Variants in LRCH2 observed in about 807,000 individuals in gnomAD.
The protein encoded by LRCH2 is leucine-rich repeat and calponin homology domain-containing protein 2.
A neutral mutation model predicts 68.9 loss-of-function variants in LRCH2; 38 were observed. That is an observed-to-expected ratio of 0.55 (90% confidence interval 0.43 to 0.72). LRCH2 has a LOEUF of 0.72. Among genes scored for constraint, LRCH2 ranks in the 30% least tolerant of loss-of-function variants. The probability of loss-of-function intolerance (pLI) is 0.00; values close to 1 mark genes in which losing one functional copy is unlikely to be tolerated. For synonymous variants in LRCH2, 191 were observed against 208.1 expected, an observed-to-expected ratio of 0.92 and a Z score of 0.71; for missense variants, 528 against 572.9, an observed-to-expected ratio of 0.92 and a Z score of 0.80.
At chrX:115,197,374 A>G (rs935671049) in intron 1 of LRCH2, among the ~76,000 whole-genome samples, 1 of 112,303 alleles carries the variant, frequency 8.9e-6, no homozygotes, top group Middle Eastern at 4.6e-3. Flanking sequence ...GAGATGCCAG[A>G]GAAATCTAAA....
intron 1 of LRCH2, among the ~76,000 whole-genome samples, chrX:115,211,763 C>A (rs1466350049): frequency 5.4e-5 from 6 of 110,973 alleles, no homozygotes; most frequent in African/African-American, 9.8e-5. Flanking sequence ...ATCCACACAC[C>A]CCCCCAAGAT....
At chrX:115,174,726 A>C (rs1351062222) in intron 5 of LRCH2, among the ~76,000 whole-genome samples, 1 of 110,620 alleles carries the variant, frequency 9.0e-6, no homozygotes, top group East Asian at 2.8e-4. Flanking sequence ...TTATTTCTTT[A>C]AGATGGTGAT....
intron 1 of LRCH2, among the ~76,000 whole-genome samples, chrX:115,196,863 T>G (rs1195204659): frequency 9.0e-6 from 1 of 110,857 alleles, no homozygotes; most frequent in Non-Finnish European, 1.9e-5. Context: ...AACATGAGCC[T>G]GCCTGGAAAC....
chrX:115,233,187 G>C (rs946103039), intron 1 of LRCH2, among the ~76,000 whole-genome samples: 2 of 112,110 alleles, frequency 1.8e-5, no homozygotes, highest in African/African-American at 6.5e-5. Context: ...TGACAAGAAA[G>C]AAGCCAAGAA....
intron 8 of LRCH2, 91 bp from the exon 9 acceptor site, chrX:115,165,746 G>A (rs1271909636): frequency 1.8e-5 from 17 of 925,187 alleles, no homozygotes; most frequent in African/African-American, 4.0e-5. Context: ...TTTTCTCAAT[G>A]TAAGAGTTTG....
chrX:115,114,772 A>T (rs5988222), intron 20 of LRCH2, among the ~76,000 whole-genome samples: 11,461 of 110,299 alleles, frequency 0.1, 456 homozygotes, highest in African/African-American at 0.12. Flanking sequence ...TTGAAAGAAT[A>T]ATTAAATGAT....
chrX:115,187,488 A>G (rs2072741928), intron 2 of LRCH2, among the ~76,000 whole-genome samples: 1 of 112,357 alleles, frequency 8.9e-6, no homozygotes, highest in African/African-American at 3.2e-5. Flanking sequence ...TGAGAGCTCT[A>G]TAGCCAGACT....
In LRCH2 at chrX:115,156,614, T is replaced by G; in HGVS notation, c.1517A>C (p.Glu506Ala). 1 of 1,139,479 alleles carries G rather than the reference T, an allele frequency of 8.8e-7. No individual in the cohort carries two copies. The highest frequency in any genetic ancestry group is 3.3e-5 in the East Asian group (1 of 29,895). The allele number at this position is 1,139,479 out of a possible 1,213,427, so 93.9% of individuals were successfully genotyped here. ...GATATTTTTATACCTCTTTTCACAT[T>G]CCACAGTTTGTTTTGGCTTGTTTCT... Reference protein sequence around the residue: ...VMRNKPKQTVECEKSVSADEV... With the variant: ...VMRNKPKQTVACEKSVSADEV... Residue 506 changes from glutamate to alanine, a missense_variant, in exon 12 of 21, where the codon GAA becomes GCA. By Grantham distance (107) the Glu-to-Ala change is moderately radical (BLOSUM62 -1). Coordinates refer to ENST00000317135, the MANE Select transcript of LRCH2 (RefSeq NM_020871.4).
intron 1 of LRCH2, among the ~76,000 whole-genome samples, chrX:115,204,159 C>T (rs1327011707): frequency 6.2e-5 from 7 of 113,024 alleles, no homozygotes; most frequent in East Asian, 2.8e-4. Context: ...TGCCTTGGCC[C>T]CTTTTAGCCA....
chrX:115,123,029 C>G, intron 18 of LRCH2, 51 bp downstream of exon 18: 1 of 1,138,504 alleles, frequency 8.8e-7, no homozygotes, highest in Non-Finnish European at 1.2e-6. Flanking sequence ...ATTAATTTTC[C>G]AAGTTAAACC....
chrX:115,160,121 G>T (rs2147382661), intron 11 of LRCH2, among the ~76,000 whole-genome samples: 1 of 110,246 alleles, frequency 9.1e-6, no homozygotes, highest in South Asian at 3.9e-4. Flanking sequence ...TTCAAGACCA[G>T]CCTGGCCAAC....
At chrX:115,218,172 C>T (rs145166866) in intron 1 of LRCH2, among the ~76,000 whole-genome samples, 748 of 111,597 alleles carry the variant, frequency 6.7e-3, no homozygotes, top group South Asian at 0.022. Flanking sequence ...ATTAATTCAA[C>T]AAAATCATGC....
intron 1 of LRCH2, among the ~76,000 whole-genome samples, chrX:115,232,983 C>T (rs2073162629): frequency 9.0e-6 from 1 of 111,641 alleles, no homozygotes; most frequent in Non-Finnish European, 1.9e-5. Flanking sequence ...CTCAAAAATA[C>T]CCTTAAAATT....
chrX:115,118,017 T>C (rs1350820471), intron 20 of LRCH2, among the ~76,000 whole-genome samples: 1 of 110,302 alleles, frequency 9.1e-6, no homozygotes, highest in Non-Finnish European at 1.9e-5. Context: ...TTACCAATTC[T>C]GAGTTCAGAG....
chrX:115,147,230 C>T (rs1302998629), intron 14 of LRCH2, among the ~76,000 whole-genome samples: 1 of 111,344 alleles, frequency 9.0e-6, no homozygotes, highest in Non-Finnish European at 1.9e-5. Context: ...TTTCAATTAT[C>T]GGGAGATAGG....
chrX:115,126,939 A>T (rs2072205464), intron 15 of LRCH2, 46 bp from the exon 16 acceptor site: 2 of 819,330 alleles, frequency 2.4e-6, no homozygotes, highest in Non-Finnish European at 3.4e-6. Flanking sequence ...TACAATACAA[A>T]TGATGATTTA....
At chrX:115,113,376 A>T in intron 20 of LRCH2, 41 bp from the exon 21 acceptor site, 3 of 1,056,127 alleles carry the variant, frequency 2.8e-6, no homozygotes, top group Non-Finnish European at 3.8e-6. Flanking sequence ...CATTTTTTAG[A>T]AGTGTAATAA....
chrX:115,113,037 C>T lies in LRCH2; in HGVS notation c.*179G>A. ...CTTATTAAGTTAATCCAGTTTTCCC[C>T]CAAAGAAGTTCGGGCAATTCAATGT... On this transcript the variant is annotated 3_prime_UTR_variant, in exon 21 of 21. Coordinates refer to ENST00000317135, the MANE Select transcript of LRCH2 (RefSeq NM_020871.4). 1 of 325,978 alleles carries T rather than the reference C, an allele frequency of 3.1e-6. No individual in the cohort carries two copies. Among genetic ancestry groups the T allele is most frequent in the Non-Finnish European group, 5.2e-6 (1 of 190,491 alleles). 26.9% of individuals were successfully genotyped at this position (325,978 alleles called of 1,213,427 possible).
chrX:115,190,385 C>A (rs1556557120), intron 1 of LRCH2: 1 of 1,163,344 alleles, frequency 8.6e-7, no homozygotes, highest in South Asian at 1.9e-5. Flanking sequence ...GGCGCTGCCC[C>A]TGTGTGGGGG....
Sources: gnomAD v4.1 joint callset for allele counts (sites outside exome capture counted in the v4.1 genomes callset) on GRCh38, gnomAD v4.1.1 for gene constraint, MANE v1.5 for transcripts, NCBI Gene and HGNC (gene_info 2026-07-23, HGNC 2026-07-21) for gene names.